Variants in NFIC observed in about 807,000 individuals in gnomAD.
NFIC encodes the protein nuclear factor I C.
NFIC carries 12 observed loss-of-function variants against 54.4 expected under a neutral mutation model. The observed-to-expected ratio is 0.22, with a 90% CI of 0.14 to 0.36. The LOEUF (loss-of-function observed/expected upper bound fraction) is 0.36, where lower values mean the gene tolerates loss of function less well. NFIC is among the 10% of genes least tolerant of loss of function. The pLI is 1.00. For missense variants in NFIC, 575 were observed against 718.2 expected (o/e 0.80, Z 2.28); for synonymous variants, 322 against 319.2 (o/e 1.01, Z -0.09).
chr19:3,451,632 T>TAAAA (rs542068323), intron 7 of NFIC, among the ~76,000 whole-genome samples: 1 of 131,508 alleles, frequency 7.6e-6, no homozygotes, highest in South Asian at 2.4e-4. Flanking sequence ...TTCTATCTCT[T>TAAAA]AAAAAAAAAA....
rs148728422 is a variant in NFIC, at chr19:3,459,807, G to T, written c.1510-2945G>T. ...ACTTGAACTTGGCTGGAGGTGGGGC[G>T]CTGGGAACCACTGTGGCGCCAGTTC... is the stretch of plus-strand genomic sequence containing the variant. On this transcript the variant is annotated intron_variant, in intron 10 of 10. Transcript: ENST00000443272. This position sits in a 1 kb window ranked among gnomAD's most constrained non-coding sequence, Gnocchi z 4.2. 9.2e-3 allele frequency among the ~76,000 whole-genome samples: 1,397 copies of T among 152,348 alleles called. 14 individuals are homozygous for T. Among genetic ancestry groups the T allele is most frequent in the Middle Eastern group, 0.037 (11 of 294 alleles).
intron 6 of NFIC, among the ~76,000 whole-genome samples, chr19:3,444,584 C>T (rs1316692145): frequency 6.6e-6 from 1 of 152,190 alleles, no homozygotes; most frequent in East Asian, 1.9e-4. Context: ...GCCTGAGCTG[C>T]GCTCCCCCCT....
intron 3 of NFIC, among the ~76,000 whole-genome samples, chr19:3,428,267 G>T (rs1002993197): frequency 6.6e-6 from 1 of 151,930 alleles, no homozygotes; most frequent in Non-Finnish European, 1.5e-5. Context: ...GCCGAGTCAG[G>T]TGGATGACCT....
chr19:3,421,803 G>C (rs941284435), intron 2 of NFIC, among the ~76,000 whole-genome samples: 3 of 152,172 alleles, frequency 2.0e-5, no homozygotes, highest in African/African-American at 4.8e-5. Flanking sequence ...TTTAAAACAA[G>C]GTCTTGCTCT....
At chr19:3,462,697 T>C (rs1339257876) in intron 10 of NFIC, 55 bp from the exon 11 acceptor site, 9 of 1,596,384 alleles carry the variant, frequency 5.6e-6, no homozygotes, top group Non-Finnish European at 6.9e-6. Flanking sequence ...GTCTGACCCC[T>C]CGACTTCTCT....
At chr19:3,428,800 A>C (rs998593809) in intron 3 of NFIC, among the ~76,000 whole-genome samples, 2 of 151,962 alleles carry the variant, frequency 1.3e-5, no homozygotes, top group Non-Finnish European at 2.9e-5. Context: ...GGCGCTGCAC[A>C]AACAGGAAAC....
intron 1 of NFIC, among the ~76,000 whole-genome samples, chr19:3,366,956 G>C (rs2080899598): frequency 6.9e-6 from 1 of 144,988 alleles, no homozygotes; most frequent in African/African-American, 2.6e-5. Flanking sequence ...CTGCAGATTT[G>C]CGTCCCCCCC....
At chr19:3,441,458 G>T (rs112761947) in intron 6 of NFIC, among the ~76,000 whole-genome samples, 1 of 152,252 alleles carries the variant, frequency 6.6e-6, no homozygotes, top group Non-Finnish European at 1.5e-5. Context: ...GCAAAGAAGG[G>T]GCAGAGCCCC....
At chr19:3,371,115 C>A (rs1484040530) in intron 1 of NFIC, among the ~76,000 whole-genome samples, 1 of 152,194 alleles carries the variant, frequency 6.6e-6, no homozygotes, top group Non-Finnish European at 1.5e-5. Flanking sequence ...AATATAGTAC[C>A]TGGTATAGAG....
Position 3,369,718 on chromosome 19 carries a change from G to A in NFIC, c.30+3052G>A, listed in dbSNP as rs969833773. Among the ~76,000 whole-genome samples the A allele has an allele frequency of 2.7e-5, 4 of 150,568 alleles. No individual in the cohort carries two copies. Among genetic ancestry groups the A allele is most frequent in the Non-Finnish European group, 1.5e-5 (1 of 67,442 alleles). On this transcript the variant is annotated intron_variant, in intron 1 of 10. Coordinates refer to ENST00000443272, the MANE Select transcript of NFIC (RefSeq NM_001245002.2). This position sits in a 1 kb window ranked among gnomAD's most constrained non-coding sequence, Gnocchi z 4.3. ...ATAAATCCTGCCGGCGGGAAGGCCGGCCTCCCCGCGCCTGCTCTGGGCCTC... is the reference window on the plus strand; with the variant it reads ...ATAAATCCTGCCGGCGGGAAGGCCGACCTCCCCGCGCCTGCTCTGGGCCTC...
At chr19:3,460,514 G>T (rs898492351) in intron 10 of NFIC, among the ~76,000 whole-genome samples, 11 of 150,750 alleles carry the variant, frequency 7.3e-5, no homozygotes, top group Non-Finnish European at 1.2e-4. Context: ...GTTTTTTTTT[G>T]GTTTTTTTGG....
At chr19:3,372,631 C>T (rs566130806) in intron 1 of NFIC, among the ~76,000 whole-genome samples, 231 of 148,400 alleles carry the variant, frequency 1.6e-3, no homozygotes, top group Middle Eastern at 7.1e-3. Context: ...ACGTGGGACT[C>T]GGAGAGTGTG....
intron 3 of NFIC, among the ~76,000 whole-genome samples, chr19:3,428,570 G>T (rs2082064444): frequency 6.6e-6 from 1 of 152,108 alleles, no homozygotes; most frequent in Non-Finnish European, 1.5e-5. Flanking sequence ...AGGTTCACAG[G>T]CCTGAGGCCA....
upstream of NFIC, among the ~76,000 whole-genome samples, chr19:3,364,812 A>G (rs2080860888): frequency 6.6e-6 from 1 of 152,156 alleles, no homozygotes; most frequent in Admixed American, 6.6e-5. Context: ...TCTGAAGTCA[A>G]CTGCAACTTT....
At chr19:3,425,267 GT>G in intron 3 of NFIC, 90 bp downstream of exon 3, 1 of 1,410,742 alleles carries the variant, frequency 7.1e-7, no homozygotes, top group Non-Finnish European at 9.6e-7. Context: ...GGCACCACTC[GT>G]TTTACAGATG....
Position 3,434,396 on chromosome 19 carries a change from AGTGGGTAAGTAC to A in NFIC, c.830_833+8del. On this transcript the variant is annotated splice_donor_variant and splice_donor_5th_base_variant and coding_sequence_variant and intron_variant, in exon 5 of 11. Transcript: ENST00000443272. LOFTEE classifies it high-confidence loss of function. ...AAGAACGCTGCCCAGCACCTCCTCC[AGTGGGTAAGTAC>A]CCAGGTCCCCACCTCTGGGCATTTC... The A allele has an allele frequency of 6.2e-7, 1 of 1,604,948 alleles. No homozygotes were observed. Among genetic ancestry groups the A allele is most frequent in the South Asian group, 1.1e-5 (1 of 89,868 alleles).
chr19:3,364,738 G>A (rs1357544251), upstream of NFIC, among the ~76,000 whole-genome samples: 1 of 152,168 alleles, frequency 6.6e-6, no homozygotes, highest in Admixed American at 6.6e-5. Flanking sequence ...AAGGCTGCAG[G>A]CAGGGTGGTC....
In NFIC at chr19:3,467,159, C is replaced by A. The variant is rs1048730276; in HGVS notation, c.*4390C>A. The A allele has an allele frequency of 1.3e-5, 2 of 149,442 alleles. No individual in the cohort carries two copies. Among genetic ancestry groups the A allele is most frequent in the African/African-American group, 5.0e-5 (2 of 40,098 alleles). The allele number at this position is 149,442 out of a possible 1,614,324, so 9.3% of individuals were successfully genotyped here. On this transcript the variant is annotated 3_prime_UTR_variant, in exon 11 of 11. Coordinates refer to ENST00000443272, the MANE Select transcript of NFIC (RefSeq NM_001245002.2). ...ATCTTCTCAAATCTTGTTCCACCCC[C>A]CTCTGGAAGCCCCCATCACCCACCC...
At chr19:3,440,520 T>C (rs1376697053) in intron 6 of NFIC, among the ~76,000 whole-genome samples, 1 of 151,414 alleles carries the variant, frequency 6.6e-6, no homozygotes, top group Non-Finnish European at 1.5e-5. Context: ...AAGCTCTGCC[T>C]CCCAGGTTCA....
Sources: gnomAD v4.1 joint callset for allele counts (sites outside exome capture counted in the v4.1 genomes callset) on GRCh38, gnomAD v4.1.1 for gene constraint, Gnocchi (gnomAD v3.1) non-coding constraint, MANE v1.5 for transcripts, NCBI Gene and HGNC (gene_info 2026-07-23, HGNC 2026-07-21) for gene names.